The following DPP6 variants were observed in gnomAD, a reference collection of about 807,000 sequenced individuals.
DPP6 encodes the protein A-type potassium channel modulatory protein DPP6.
Under a neutral mutation model 122.6 loss-of-function variants are expected in DPP6, and 69 were observed. The observed-to-expected ratio is 0.56, with a 90% CI of 0.46 to 0.69. The LOEUF is 0.69. Among genes scored for constraint, DPP6 ranks in the 30% least tolerant of loss-of-function variants. The probability of loss-of-function intolerance (pLI) is 0.00; values close to 1 mark genes in which losing one functional copy is unlikely to be tolerated. For synonymous variants in DPP6, 418 were observed against 433.1 expected, an observed-to-expected ratio of 0.97 and a Z score of 0.43; for missense variants, 928 against 1,116.9, an observed-to-expected ratio of 0.83 and a Z score of 2.41.
intron 1 of DPP6, among the ~76,000 whole-genome samples, chr7:154,210,396 C>G (rs1264421487): frequency 1.3e-5 from 2 of 152,200 alleles, no homozygotes; most frequent in Non-Finnish European, 2.9e-5. Context: ...TGGGGCCAGG[C>G]TGCAGAATTG....
chr7:154,458,264 A>T (rs1292231751), intron 2 of DPP6, among the ~76,000 whole-genome samples: 1 of 152,150 alleles, frequency 6.6e-6, no homozygotes, highest in East Asian at 1.9e-4. Flanking sequence ...CATGATAGTG[A>T]ATAAGTCTCA....
the DPP6 span, among the ~76,000 whole-genome samples, chr7:153,777,814 G>T: frequency 7.1e-6 from 1 of 140,274 alleles, no homozygotes. Context: ...TAAAATCTTG[G>T]TAGTTAATAC....
At chr7:153,834,275 T>TAAA in the DPP6 span, among the ~76,000 whole-genome samples, 333 of 138,996 alleles carry the variant, frequency 2.4e-3, 2 homozygotes, top group African/African-American at 7.6e-3. Flanking sequence ...TGACTCCATC[T>TAAA]AAAAAAAAAA....
At chr7:154,797,851 A>G (rs1249188421) in intron 12 of DPP6, among the ~76,000 whole-genome samples, 1 of 152,234 alleles carries the variant, frequency 6.6e-6, no homozygotes, top group African/African-American at 2.4e-5. Flanking sequence ...GCTCTTAAAG[A>G]TGGTACATCC....
At chr7:154,169,663 T>C (rs1797436078) in intron 1 of DPP6, among the ~76,000 whole-genome samples, 1 of 152,190 alleles carries the variant, frequency 6.6e-6, no homozygotes, top group South Asian at 2.1e-4. Context: ...ACCATTACTT[T>C]TACTGTTATT....
intron 5 of DPP6, among the ~76,000 whole-genome samples, chr7:154,568,855 A>G (rs780227724): frequency 9.8e-5 from 15 of 152,310 alleles, no homozygotes; most frequent in Admixed American, 7.2e-4. Flanking sequence ...TGAAAATGTA[A>G]AAAGTCTATA....
chr7:153,813,681 G>T, the DPP6 span, among the ~76,000 whole-genome samples: 2 of 151,908 alleles, frequency 1.3e-5, no homozygotes, highest in Non-Finnish European at 2.9e-5. Flanking sequence ...ATCCTCTCCA[G>T]CACCTGTTGT....
chr7:154,693,309 T>TA (rs1305761880), intron 7 of DPP6, among the ~76,000 whole-genome samples: 1 of 152,190 alleles, frequency 6.6e-6, no homozygotes, highest in Non-Finnish European at 1.5e-5. Context: ...AGGCTTCCGT[T>TA]AAGTCTCCTC....
chr7:154,295,267 G>A, intron 1 of DPP6, among the ~76,000 whole-genome samples: 1 of 152,208 alleles, frequency 6.6e-6, no homozygotes, highest in East Asian at 1.9e-4. Context: ...GAGCTGGAGG[G>A]TAACCTGAAC....
At position 154,777,614 on chromosome 7, in the gene DPP6, G is replaced by A. The variant is rs75895569; in HGVS notation, c.1136+4672G>A. Among the ~76,000 whole-genome samples the A allele has an allele frequency of 4.7e-3, 710 of 152,298 alleles. 8 individuals carry two copies. The highest frequency in any genetic ancestry group is 0.016 in the African/African-American group (669 of 41,556). On this transcript the variant is annotated intron_variant, in intron 10 of 25. Coordinates refer to ENST00000377770, the MANE Select transcript of DPP6 (RefSeq NM_130797.4). ...CCTCCGGCCTTTCCCGAGCAGTTGA[G>A]CTGCGTGTTGAGTTAAGATGCGGCA...
At chr7:153,989,153 G>T (rs1381761659) in intron 1 of DPP6, among the ~76,000 whole-genome samples, 2 of 148,382 alleles carry the variant, frequency 1.3e-5, no homozygotes, top group Non-Finnish European at 3.0e-5. Context: ...CACCGGGTGT[G>T]AGTGTGGGTG....
intron 8 of DPP6, 83 bp from the exon 9 acceptor site, chr7:154,769,334 G>A (rs1796094295): frequency 1.9e-6 from 3 of 1,578,440 alleles, no homozygotes; most frequent in Non-Finnish European, 2.6e-6. Flanking sequence ...TTTCTTTCCT[G>A]GCCACCTCAT....
At chr7:153,884,993 T>A (rs199848080), upstream of DPP6, among the ~76,000 whole-genome samples, 1 of 129,698 alleles carries the variant, frequency 7.7e-6, no homozygotes, top group Non-Finnish European at 1.6e-5. Context: ...CAAAAATATA[T>A]ATATATATAT....
chr7:153,888,176 G>C (rs1205013093), intron 1 of DPP6, among the ~76,000 whole-genome samples: 1 of 152,180 alleles, frequency 6.6e-6, no homozygotes, highest in South Asian at 2.1e-4. Context: ...CGGAACTCGA[G>C]ACCTGTTGGG....
chr7:153,813,373 G>T, the DPP6 span, among the ~76,000 whole-genome samples: 1 of 152,088 alleles, frequency 6.6e-6, no homozygotes, highest in Admixed American at 6.6e-5. Flanking sequence ...TTTTATGGCT[G>T]CATAGTATTC....
intron 5 of DPP6, among the ~76,000 whole-genome samples, chr7:154,637,079 C>T (rs572782660): frequency 9.2e-5 from 14 of 152,254 alleles, no homozygotes; most frequent in African/African-American, 2.4e-4. Flanking sequence ...TTTCTTGAAC[C>T]GCCATCTTCT....
At chr7:154,467,842 G>A (rs1285458620) in intron 2 of DPP6, among the ~76,000 whole-genome samples, 1 of 152,152 alleles carries the variant, frequency 6.6e-6, no homozygotes, top group Non-Finnish European at 1.5e-5. Context: ...TTTGCCTTCT[G>A]CTGAGAGAGG....
At chr7:153,919,772 G>A (rs10255973) in intron 1 of DPP6, among the ~76,000 whole-genome samples, 42,243 of 152,050 alleles carry the variant, frequency 0.28, 5,856 homozygotes, top group Admixed American at 0.34. Flanking sequence ...GAATTTCTCC[G>A]TTAAATTATT....
intron 3 of DPP6, among the ~76,000 whole-genome samples, chr7:154,528,962 G>A (rs1260295849): frequency 6.6e-6 from 1 of 152,182 alleles, no homozygotes; most frequent in Non-Finnish European, 1.5e-5. Flanking sequence ...GAGGGGCCAA[G>A]GCCAGAATCG....
Sources: gnomAD v4.1 joint callset for allele counts (sites outside exome capture counted in the v4.1 genomes callset) on GRCh38, gnomAD v4.1.1 for gene constraint, MANE v1.5 for transcripts, NCBI Gene and HGNC (gene_info 2026-07-23, HGNC 2026-07-21) for gene names.